Variants in IL2RB observed in about 807,000 individuals in gnomAD.
IL2RB encodes the protein interleukin 2 receptor subunit beta, also known as interleukin-2 receptor subunit beta.
A neutral mutation model predicts 44.2 loss-of-function variants in IL2RB; 17 were observed. The observed-to-expected ratio is 0.38, with a 90% CI of 0.26 to 0.58. IL2RB has a LOEUF of 0.58. Ranked by LOEUF, IL2RB falls within the 20% of genes least tolerant of loss-of-function variation. The pLI, the probability that IL2RB is intolerant of heterozygous loss-of-function variation, is 0.63. For synonymous variants in IL2RB, 286 were observed against 297.9 expected, an observed-to-expected ratio of 0.96 and a Z score of 0.41; for missense variants, 624 against 685.5, an observed-to-expected ratio of 0.91 and a Z score of 1.00.
At chr22:37,170,628 C>A (rs1423983927) in intron 1 of IL2RB, among the ~76,000 whole-genome samples, 2 of 152,166 alleles carry the variant, frequency 1.3e-5, no homozygotes, top group Non-Finnish European at 2.9e-5. Context: ...ACCTCTCAGT[C>A]CCAAGGGTGC....
At position 37,141,420 on chromosome 22, in the gene IL2RB, C is replaced by T. The variant is rs904403637; in HGVS notation, c.282+1014G>A. Among the ~76,000 whole-genome samples, 1 of 152,188 alleles carries T rather than the reference C, an allele frequency of 6.6e-6. No homozygotes were observed. The highest frequency in any genetic ancestry group is 6.5e-5 in the Admixed American group (1 of 15,276). ...GTCTGTTCCCACTGCTTGGCCTCTC[C>T]CCTGCTTCTGGCACCCGATCTGATC... is the stretch of plus-strand genomic sequence containing the variant. On this transcript the variant is annotated intron_variant, in intron 4 of 9. Coordinates refer to ENST00000216223, the MANE Select transcript of IL2RB (RefSeq NM_000878.5). The surrounding 1 kb of genome is among the most constrained non-coding windows in gnomAD (Gnocchi z 4.4).
At position 37,128,983 on chromosome 22, in the gene IL2RB, C is replaced by G; in HGVS notation, c.904-135G>C. The G allele has an allele frequency of 9.1e-7, 1 of 1,096,982 alleles. No individual in the cohort carries two copies. Among genetic ancestry groups the G allele is most frequent in the Admixed American group, 2.9e-5 (1 of 34,748 alleles). 68.0% of individuals were successfully genotyped at this position (1,096,982 alleles called of 1,614,324 possible). A position where few individuals can be genotyped will look rare whatever the true frequency, so the allele number is the denominator to read the frequency against. On this transcript the variant is annotated intron_variant, in intron 9 of 9. Transcript: ENST00000216223. The surrounding 1 kb of genome is among the most constrained non-coding windows in gnomAD (Gnocchi z 4.5). ...CCAGGGCTGCCCCATCCAGGAAGCTCTCCCTGATTATAGCCCCGCACTCCC... is the reference window on the plus strand; with the variant it reads ...CCAGGGCTGCCCCATCCAGGAAGCTGTCCCTGATTATAGCCCCGCACTCCC...
chr22:37,146,113 C>T (rs1922211056), intron 1 of IL2RB, among the ~76,000 whole-genome samples: 1 of 152,064 alleles, frequency 6.6e-6, no homozygotes, highest in South Asian at 2.1e-4. Flanking sequence ...TGACCTTTGC[C>T]CCCATACCTA....
intron 1 of IL2RB, among the ~76,000 whole-genome samples, chr22:37,170,194 T>G (rs1020244479): frequency 6.6e-6 from 1 of 151,974 alleles, no homozygotes; most frequent in Non-Finnish European, 1.5e-5. Context: ...ATAATAAGAC[T>G]CTTTCAGGAA....
intron 1 of IL2RB, among the ~76,000 whole-genome samples, chr22:37,160,835 C>G (rs891342621): frequency 6.6e-6 from 1 of 151,788 alleles, no homozygotes; most frequent in African/African-American, 2.4e-5. Context: ...CAGAGCGAGA[C>G]TCAGTCTCAA....
intron 1 of IL2RB, among the ~76,000 whole-genome samples, chr22:37,160,584 G>T (rs1382515168): frequency 6.6e-6 from 1 of 151,792 alleles, no homozygotes; most frequent in East Asian, 1.9e-4. Flanking sequence ...GCTAAAATTG[G>T]TATTTTTAAA....
intron 8 of IL2RB, among the ~76,000 whole-genome samples, chr22:37,133,467 C>G (rs1921529680): frequency 6.6e-6 from 1 of 152,222 alleles, no homozygotes; most frequent in Non-Finnish European, 1.5e-5. Flanking sequence ...TCTGGCCAGT[C>G]CTGGCATCAG....
At chr22:37,142,793 C>T in intron 3 of IL2RB, 1 of 572,476 alleles carries the variant, frequency 1.7e-6, no homozygotes, top group Non-Finnish European at 3.3e-6. Flanking sequence ...TCCTCCCCAC[C>T]TAGAGCCCTC....
chr22:37,135,690 T>C lies in IL2RB; in HGVS notation c.704-248A>G, dbSNP rs968939151. ...ATCCCATGGGCCCCCCTGGTGAGCC[T>C]ACAGCCCCCCACCACCCCCACAGCA... On this transcript the variant is annotated intron_variant, in intron 7 of 9. Coordinates refer to ENST00000216223, the MANE Select transcript of IL2RB (RefSeq NM_000878.5). Among the ~76,000 whole-genome samples the C allele has an allele frequency of 3.0e-4, 45 of 151,900 alleles. 1 individual carries two copies. Among genetic ancestry groups the C allele is most frequent in the Admixed American group, 2.6e-3 (39 of 15,278 alleles).
chr22:37,174,559 C>A (rs955130908), intron 1 of IL2RB, among the ~76,000 whole-genome samples: 19 of 152,158 alleles, frequency 1.2e-4, no homozygotes, highest in African/African-American at 4.3e-4. Flanking sequence ...CAGAACAAAC[C>A]GGTTACGTCA....
chr22:37,172,463 A>C (rs1035642503), intron 1 of IL2RB, among the ~76,000 whole-genome samples: 9 of 152,072 alleles, frequency 5.9e-5, no homozygotes, highest in Non-Finnish European at 1.0e-4. Flanking sequence ...GCCGTCAACC[A>C]TCCAATAGGG....
At chr22:37,160,312 C>A (rs1922814342) in intron 1 of IL2RB, among the ~76,000 whole-genome samples, 1 of 152,234 alleles carries the variant, frequency 6.6e-6, no homozygotes, top group African/African-American at 2.4e-5. Flanking sequence ...CTCGCTCTTT[C>A]TCCAGGCAGG....
intron 1 of IL2RB, among the ~76,000 whole-genome samples, chr22:37,155,099 GCTGAACAT>G (rs1412465805): frequency 1.3e-5 from 2 of 152,164 alleles, no homozygotes; most frequent in Non-Finnish European, 2.9e-5. Flanking sequence ...AGGTGCTACA[GCTGAACAT>G]AAAACCAGGT....
rs1423798278 is a variant in IL2RB, at chr22:37,137,748, G to C, written c.389-13C>G. ...GCCATCAGGCGAACTGGAGACAACA[G>C]GGGGTAGGGGAGAGCAGTCAGCCAT... On this transcript the variant is annotated splice_polypyrimidine_tract_variant and intron_variant, in intron 5 of 9. Transcript: ENST00000216223. 3.7e-6 allele frequency: 6 copies of C among 1,611,516 alleles called. No homozygotes were observed. The highest frequency in any genetic ancestry group is 1.7e-5 in the Admixed American group (1 of 59,994).
intron 1 of IL2RB, among the ~76,000 whole-genome samples, chr22:37,163,634 A>C (rs1922958884): frequency 6.6e-6 from 1 of 152,146 alleles, no homozygotes; most frequent in African/African-American, 2.4e-5. Context: ...AGCCCTTGGG[A>C]GGGGCTCCTG....
chr22:37,160,306 C>A (rs1425368442), intron 1 of IL2RB, among the ~76,000 whole-genome samples: 3 of 152,240 alleles, frequency 2.0e-5, no homozygotes, highest in Non-Finnish European at 2.9e-5. Flanking sequence ...CGGGGCCTCG[C>A]TCTTTCTCCA....
chr22:37,142,357 C>T (rs1459285757), intron 4 of IL2RB, 77 bp downstream of exon 4: 11 of 1,353,336 alleles, frequency 8.1e-6, no homozygotes, highest in South Asian at 1.2e-5. Flanking sequence ...CCCTGGCATC[C>T]GGCCCACCCT....
At chr22:37,140,099 G>A (rs1463044897) in intron 4 of IL2RB, among the ~76,000 whole-genome samples, 1 of 152,174 alleles carries the variant, frequency 6.6e-6, no homozygotes, top group Non-Finnish European at 1.5e-5. Flanking sequence ...TGGGGTCCAG[G>A]ATGCTGATTT....
chr22:37,159,722 G>A (rs899275513), intron 1 of IL2RB, among the ~76,000 whole-genome samples: 2 of 152,200 alleles, frequency 1.3e-5, no homozygotes, highest in African/African-American at 2.4e-5. Context: ...TCCCCAGAAC[G>A]AAGGGGCTGA....
Sources: gnomAD v4.1 joint callset for allele counts (sites outside exome capture counted in the v4.1 genomes callset) on GRCh38, gnomAD v4.1.1 for gene constraint, Gnocchi (gnomAD v3.1) non-coding constraint, MANE v1.5 for transcripts, NCBI Gene and HGNC (gene_info 2026-07-23, HGNC 2026-07-21) for gene names.